The following THSD4 variants were observed in gnomAD, a reference collection of about 807,000 sequenced individuals.
THSD4 encodes thrombospondin type-1 domain-containing protein 4.
THSD4 carries 69 observed loss-of-function variants against 119.0 expected under a neutral mutation model. The ratio of observed to expected loss-of-function variants is 0.58; its 90% confidence interval spans 0.48 to 0.71. THSD4 has a LOEUF of 0.71. Ranked by LOEUF, THSD4 falls within the 30% of genes least tolerant of loss-of-function variation. The probability of loss-of-function intolerance (pLI) is 0.00; values close to 1 mark genes in which losing one functional copy is unlikely to be tolerated. For missense variants in THSD4, 1,393 were observed against 1,391.1 expected (o/e 1.00, Z -0.02); for synonymous variants, 524 against 540.4 (o/e 0.97, Z 0.42).
chr15:71,109,186 C>T (rs908916417), intron 1 of THSD4, among the ~76,000 whole-genome samples: 1 of 152,180 alleles, frequency 6.6e-6, no homozygotes, highest in African/African-American at 2.4e-5. Flanking sequence ...CAGGGTCACC[C>T]ACTCAGGTGT....
chr15:71,726,589 C>T (rs913655103), intron 8 of THSD4, among the ~76,000 whole-genome samples: 1 of 152,052 alleles, frequency 6.6e-6, no homozygotes. Context: ...TTCTATAAAC[C>T]GAAGGTGCAA....
intron 1 of THSD4, among the ~76,000 whole-genome samples, chr15:71,123,679 C>A (rs763253797): frequency 2.0e-5 from 3 of 152,126 alleles, no homozygotes; most frequent in Non-Finnish European, 2.9e-5. Context: ...GCATCAGATT[C>A]AGATTGGTGG....
intron 7 of THSD4, among the ~76,000 whole-genome samples, chr15:71,459,029 G>A (rs900987658): frequency 1.3e-5 from 2 of 151,984 alleles, no homozygotes; most frequent in Non-Finnish European, 2.9e-5. Context: ...TTAACACTTG[G>A]ATTGAAAATA....
At chr15:71,455,290 G>A (rs2047323253) in intron 7 of THSD4, among the ~76,000 whole-genome samples, 1 of 152,212 alleles carries the variant, frequency 6.6e-6, no homozygotes, top group Non-Finnish European at 1.5e-5. Context: ...GATGAAATCA[G>A]AAGGGCTTAG....
At chr15:71,294,244 C>G (rs868404473) in intron 6 of THSD4, among the ~76,000 whole-genome samples, 8 of 152,272 alleles carry the variant, frequency 5.3e-5, no homozygotes, top group Middle Eastern at 3.4e-3. Context: ...TTGTCAGTCC[C>G]AAGTGCCCTT....
chr15:71,120,589 C>T (rs538270206), intron 1 of THSD4, among the ~76,000 whole-genome samples: 2 of 152,358 alleles, frequency 1.3e-5, no homozygotes, highest in African/African-American at 2.4e-5. Context: ...ACCCTCCTGG[C>T]CCTTGGCCAG....
At chr15:71,196,840 G>A (rs1321628820) in intron 3 of THSD4, among the ~76,000 whole-genome samples, 1 of 152,198 alleles carries the variant, frequency 6.6e-6, no homozygotes, top group Non-Finnish European at 1.5e-5. Context: ...GAGAGGCAGG[G>A]AGAGGAGGAA....
At chr15:71,311,085 C>T (rs945154507) in intron 6 of THSD4, among the ~76,000 whole-genome samples, 1 of 152,158 alleles carries the variant, frequency 6.6e-6, no homozygotes, top group Non-Finnish European at 1.5e-5. Flanking sequence ...GGGCCTGGAG[C>T]CTTCCAATTT....
chr15:71,672,225 G>T (rs1349780759), intron 8 of THSD4, among the ~76,000 whole-genome samples: 1 of 152,104 alleles, frequency 6.6e-6, no homozygotes, highest in Non-Finnish European at 1.5e-5. Flanking sequence ...TGGATTCCTA[G>T]GTATTTTATT....
At chr15:71,581,744 G>A (rs1213695347) in intron 7 of THSD4, among the ~76,000 whole-genome samples, 2 of 152,168 alleles carry the variant, frequency 1.3e-5, no homozygotes, top group Admixed American at 6.5e-5. Flanking sequence ...TGGACATCCA[G>A]TTTTCCCAGC....
intron 6 of THSD4, among the ~76,000 whole-genome samples, chr15:71,395,356 G>GC (rs2046434625): frequency 1.3e-5 from 2 of 152,278 alleles, no homozygotes; most frequent in South Asian, 4.2e-4. Flanking sequence ...GAGCTCCACT[G>GC]CCCCCCAGGT....
intron 7 of THSD4, among the ~76,000 whole-genome samples, chr15:71,496,210 C>T (rs1312971177): frequency 3.9e-5 from 6 of 152,188 alleles, no homozygotes; most frequent in Admixed American, 1.3e-4. Flanking sequence ...ACCTGAACTA[C>T]AGCTTTTGCA....
chr15:71,149,992 C>CT (rs113609573), intron 2 of THSD4, among the ~76,000 whole-genome samples: 6,988 of 147,284 alleles, frequency 0.047, 493 homozygotes, highest in African/African-American at 0.16. Flanking sequence ...GATGGCATAA[C>CT]TTTTTTTTTT....
chr15:71,445,729 C>T (rs1323119917), intron 7 of THSD4, among the ~76,000 whole-genome samples: 1 of 152,192 alleles, frequency 6.6e-6, no homozygotes, highest in Non-Finnish European at 1.5e-5. Flanking sequence ...TTGGTTAGGA[C>T]CACTGTTTTG....
intron 1 of THSD4, among the ~76,000 whole-genome samples, chr15:71,130,911 T>A (rs1053068448): frequency 6.6e-6 from 1 of 151,996 alleles, no homozygotes; most frequent in South Asian, 2.1e-4. Context: ...CGCCCGTCTA[T>A]TTTTTTGTAT....
At chr15:71,295,479 T>G (rs1439254936) in intron 6 of THSD4, among the ~76,000 whole-genome samples, 1 of 152,134 alleles carries the variant, frequency 6.6e-6, no homozygotes, top group African/African-American at 2.4e-5. Flanking sequence ...TTTGGTTAAT[T>G]TCATCAGGTC....
chr15:71,136,451 G>T, intron 1 of THSD4, among the ~76,000 whole-genome samples: 1 of 152,180 alleles, frequency 6.6e-6, no homozygotes, highest in East Asian at 1.9e-4. Context: ...GTCTTGCCCT[G>T]TTGGGACCCT....
At chr15:71,603,020 C>T (rs1324227875) in intron 7 of THSD4, among the ~76,000 whole-genome samples, 3 of 152,204 alleles carry the variant, frequency 2.0e-5, no homozygotes, top group African/African-American at 7.2e-5. Context: ...GCTCTTTCCC[C>T]GCTATGTTGC....
chr15:71,749,852 C>G (rs1026623470), intron 14 of THSD4, among the ~76,000 whole-genome samples: 6 of 151,786 alleles, frequency 4.0e-5, no homozygotes, highest in East Asian at 3.9e-4. Flanking sequence ...CCCCTGCCCC[C>G]CTCCCGCCAA....
Sources: allele counts gnomAD v4.1 joint callset (sites outside exome capture counted in the v4.1 genomes callset), GRCh38; gene constraint gnomAD v4.1.1; transcripts MANE v1.5; gene names NCBI Gene and HGNC (gene_info 2026-07-23, HGNC 2026-07-21).